ASPM: variants seen among roughly 807,000 people sequenced by gnomAD.
ASPM encodes assembly factor for spindle microtubules.
ASPM carries 256 observed loss-of-function variants against 366.4 expected under a neutral mutation model. The observed-to-expected ratio is 0.70, with a 90% confidence interval of 0.63 to 0.77. The LOEUF is 0.77. Ranked by LOEUF, ASPM falls within the 30% of genes least tolerant of loss-of-function variation. ASPM has a pLI of 0.00. For missense variants in ASPM, 4,146 were observed against 4,090.4 expected (o/e 1.01, Z -0.37); for synonymous variants, 1,414 against 1,342.9 (o/e 1.05, Z -1.16).
In ASPM at chr1:197,091,957, G is replaced by A. The variant is rs1309555928; in HGVS notation, c.9394C>T (p.Leu3132=). ...VRIQRAYKLY[L]AVKNANKQVN... is the part of the protein sequence containing the mutation. ...TGCTTGTTAGCATTCTTCACAGCCAGGTAAAGTTTATAGGCTCTTTGAATT... is the reference window on the plus strand; with the variant it reads ...TGCTTGTTAGCATTCTTCACAGCCAAGTAAAGTTTATAGGCTCTTTGAATT... Residue 3132 remains leucine (L), a synonymous_variant, in exon 22 of 28, where the codon CTG becomes TTG. Transcript: ENST00000367409. The A allele has an allele frequency of 6.8e-6, 11 of 1,611,520 alleles. No homozygotes were observed. Among genetic ancestry groups the A allele is most frequent in the Admixed American group, 1.7e-5 (1 of 59,886 alleles).
chr1:197,135,356 G>T, intron 4 of ASPM, 114 bp from the exon 5 acceptor site: 1 of 1,074,936 alleles, frequency 9.3e-7, no homozygotes, highest in Non-Finnish European at 1.4e-6. Flanking sequence ...AACAATATTT[G>T]CTTTTCTACT....
At chr1:197,096,613 T>C (rs148581237) in intron 18 of ASPM, among the ~76,000 whole-genome samples, 5 of 151,810 alleles carry the variant, frequency 3.3e-5, no homozygotes, top group Non-Finnish European at 5.9e-5. Context: ...AGGAGAATCC[T>C]GAGAGCTCCT....
At chr1:197,133,248 T>A (rs960275579) in intron 6 of ASPM, 102 bp downstream of exon 6, 2 of 1,273,696 alleles carry the variant, frequency 1.6e-6, no homozygotes, top group African/African-American at 3.0e-5. Context: ...TATATGCCAG[T>A]TTTACCTGTC....
intron 4 of ASPM, chr1:197,138,883 T>C: frequency 2.1e-6 from 2 of 943,634 alleles, no homozygotes; most frequent in South Asian, 2.6e-5. Flanking sequence ...AGCTTCCTTA[T>C]CTCCTCCTGT....
In ASPM at chr1:197,129,207, A is replaced by T. The variant is rs1302726262; in HGVS notation, c.2740T>A (p.Cys914Ser). The T allele has an allele frequency of 6.2e-7, 1 of 1,612,614 alleles. No individual in the cohort carries two copies. Among genetic ancestry groups the T allele is most frequent in the Non-Finnish European group, 8.5e-7 (1 of 1,178,858 alleles). The change falls in exon 9 of 28, where the codon TGT becomes AGT. Residue 914 changes from cysteine to serine, a missense_variant. By Grantham distance (112) the Cys-to-Ser change is moderately radical. Around this residue, in one of 3 missense-constraint regions of ASPM, gnomAD observed 3,624 missense variants for 3,591.7 expected, o/e 1.01. Coordinates refer to ENST00000367409, the MANE Select transcript of ASPM (RefSeq NM_018136.5). Reference sequence around the variant, plus strand: ...CATACCTTGAATTCGGCATCTTTACAGAAGAGACAAGGATCATGATCAATG... The same window carrying T: ...CATACCTTGAATTCGGCATCTTTACTGAAGAGACAAGGATCATGATCAATG... ...RLIDHDPCLF[C>S]KDAEFKASKE...
intron 18 of ASPM, among the ~76,000 whole-genome samples, chr1:197,099,337 T>C (rs1183218225): frequency 1.3e-5 from 2 of 151,576 alleles, no homozygotes; most frequent in East Asian, 1.9e-4. Context: ...TAAAAATCTA[T>C]CCACAATCTT....
intron 3 of ASPM, among the ~76,000 whole-genome samples, chr1:197,140,823 A>G (rs748561682): frequency 6.6e-5 from 10 of 152,178 alleles, no homozygotes; most frequent in African/African-American, 9.6e-5. Flanking sequence ...AACAGAGTCA[A>G]TGGAGACAAA....
chr1:197,128,082 G>A lies in ASPM; in HGVS notation c.2936+408C>T, dbSNP rs188345498. On this transcript the variant is annotated intron_variant, in intron 10 of 27. Transcript: ENST00000367409. The stretch of plus-strand genomic sequence containing the variant: ...CCGGAGGCTGAGGCAGGAGAATGGC[G>A]TGAACCCAGGAGGTAGGCTTGCAGT... 2.7e-3 allele frequency among the ~76,000 whole-genome samples: 405 copies of A among 151,850 alleles called. 1 individual carries two copies. The highest frequency in any genetic ancestry group is 9.4e-3 in the African/African-American group (389 of 41,408).
chr1:197,090,415 T>C, intron 23 of ASPM, 27 bp from the exon 24 acceptor site: 2 of 1,530,254 alleles, frequency 1.3e-6, no homozygotes, highest in South Asian at 1.2e-5. Flanking sequence ...AGAGTAATTT[T>C]AAGATTATAG....
chr1:197,136,070 G>T (rs1237461740), intron 4 of ASPM, among the ~76,000 whole-genome samples: 1 of 152,198 alleles, frequency 6.6e-6, no homozygotes, highest in African/African-American at 2.4e-5. Context: ...AAACTTGAAG[G>T]CCAGTAGGCA....
Position 197,104,334 on chromosome 1 carries a change from C to T in ASPM, c.4917G>A (p.Leu1639=), listed in dbSNP as rs1657328273. The stretch of plus-strand genomic sequence containing the variant: ...CTTGCATCCCTCTATATGCAGACTG[C>T]AGCACAATGACAGCAGAGCGTGTTT... ...YQKTRSAVIV[L]QSAYRGMQAR... The change falls in exon 18 of 28, where the codon CTG becomes CTA. Residue 1639 remains leucine, a synonymous_variant. Transcript: ENST00000367409. 6.2e-7 allele frequency: 1 copy of T among 1,612,928 alleles called. No individual in the cohort carries two copies. Among genetic ancestry groups the T allele is most frequent in the African/African-American group, 1.3e-5 (1 of 74,818 alleles).
In ASPM at chr1:197,125,205, A is replaced by C. The variant is rs749923341; in HGVS notation, c.2937-14T>G. 1.9e-6 allele frequency: 3 copies of C among 1,613,744 alleles called. No individual in the cohort carries two copies. The highest frequency in any genetic ancestry group is 2.5e-6 in the Non-Finnish European group (3 of 1,179,662). On this transcript the variant is annotated splice_polypyrimidine_tract_variant and intron_variant, in intron 10 of 27. Transcript: ENST00000367409. ...TCCATGGTTCGCCTGGCAGTAATAA[A>C]ATGTTCAGATGAAATTATCATAAAA... is the stretch of plus-strand genomic sequence containing the variant.
At chr1:197,121,337 T>C (rs1657900984) in intron 16 of ASPM, among the ~76,000 whole-genome samples, 1 of 152,106 alleles carries the variant, frequency 6.6e-6, no homozygotes, top group African/African-American at 2.4e-5. Context: ...AGGGAAACAA[T>C]AAATAACATC....
rs1267773907 is a variant in ASPM, at chr1:197,139,747, T to C, written c.2026+20A>G. Reference sequence around the variant, plus strand: ...TTCGATGTCATGTTTTCAGAGAGTTTAAGTATAATAAATACTTGCCTGTTT... The same window carrying C: ...TTCGATGTCATGTTTTCAGAGAGTTCAAGTATAATAAATACTTGCCTGTTT... On this transcript the variant is annotated intron_variant, in intron 4 of 27. Coordinates refer to ENST00000367409, the MANE Select transcript of ASPM (RefSeq NM_018136.5). 1.3e-6 allele frequency: 2 copies of C among 1,504,222 alleles called. No individual in the cohort carries two copies. The highest frequency in any genetic ancestry group is 2.8e-5 in the African/African-American group (2 of 72,552). 93.2% of individuals were successfully genotyped at this position (1,504,222 alleles called of 1,614,324 possible). A position where few individuals can be genotyped will look rare whatever the true frequency, so the allele number is the denominator to read the frequency against.
Position 197,133,585 on chromosome 1 carries a change from A to T in ASPM, c.2184T>A (p.Ala728=), listed in dbSNP as rs753232591. The T allele has an allele frequency of 1.9e-6, 3 of 1,613,084 alleles. No individual in the cohort carries two copies. Among genetic ancestry groups the T allele is most frequent in the Non-Finnish European group, 2.5e-6 (3 of 1,179,120 alleles). The part of the protein sequence containing the change: ...VKTNISEVNA[A]TLLLGIENQH... ...GATTCTCTATTCCCAAAAGAAGAGT[A>T]GCAGCATTTACTGGGTAAAAACAAA... The change falls in exon 6 of 28, where the codon GCT becomes GCA. Residue 728 remains alanine (A), a synonymous_variant. Coordinates refer to ENST00000367409, the MANE Select transcript of ASPM (RefSeq NM_018136.5).
chr1:197,101,068 ACT>A lies in ASPM; in HGVS notation c.8181_8182del (p.Arg2727SerfsTer23). ...TAAAAAGTTTTTTCTTTCTGTTTTT[ACT>A]CTAACATACAACCTATAATAATTCT... On this transcript the variant is annotated frameshift_variant, in exon 18 of 28. Coordinates refer to ENST00000367409, the MANE Select transcript of ASPM (RefSeq NM_018136.5). LOFTEE classifies it high-confidence loss of function. 6.2e-7 allele frequency: 1 copy of A among 1,611,302 alleles called. No homozygotes were observed. The highest frequency in any genetic ancestry group is 1.1e-5 in the South Asian group (1 of 90,976).
Position 197,143,109 on chromosome 1 carries a change from A to G in ASPM, c.1143T>C (p.Asp381=). The G allele has an allele frequency of 1.2e-6, 2 of 1,612,866 alleles. No homozygotes were observed. The highest frequency in any genetic ancestry group is 1.7e-6 in the Non-Finnish European group (2 of 1,179,070). The stretch of plus-strand genomic sequence containing the variant: ...TAGGATTAACTGACTCTGATTCTAG[A>G]TCCTGATTTAGTCCATAATTATCTT... ...FIKDNYGLNQ[D]LESESVNPIL... The change falls in exon 3 of 28, where the codon GAT becomes GAC. Residue 381 remains aspartate (D), a synonymous_variant. Coordinates refer to ENST00000367409, the MANE Select transcript of ASPM (RefSeq NM_018136.5).
At position 197,129,192 on chromosome 1, in the gene ASPM, A is replaced by G. The variant is rs1274625099; in HGVS notation, c.2755T>C (p.Phe919Leu). ...GCATACAATGAAAAGCATACCTTGA[A>G]TTCGGCATCTTTACAGAAGAGACAA... ...DPCLFCKDAE[F>L]KASKEILLAF... Residue 919 changes from phenylalanine (F) to leucine (L), a missense_variant, in exon 9 of 28, where the codon TTC (phenylalanine) becomes CTC (leucine). Phe to Leu is a conservative substitution (Grantham distance 22). Around this residue, in one of 3 missense-constraint regions of ASPM, gnomAD observed 3,624 missense variants for 3,591.7 expected, o/e 1.01. Coordinates refer to ENST00000367409, the MANE Select transcript of ASPM (RefSeq NM_018136.5). 1.2e-6 allele frequency: 2 copies of G among 1,612,368 alleles called. No individual in the cohort carries two copies. Among genetic ancestry groups the G allele is most frequent in the African/African-American group, 2.7e-5 (2 of 75,012 alleles).
At position 197,146,507 on chromosome 1, in the gene ASPM, G is replaced by A. The variant is rs1421513933; in HGVS notation, c.-70C>T. 1 of 1,558,946 alleles carries A rather than the reference G, an allele frequency of 6.4e-7. No homozygotes were observed. The highest frequency in any genetic ancestry group is 8.7e-7 in the Non-Finnish European group (1 of 1,149,272). ...GAGGCGGCTCCGGAGCGGGGATCCG[G>A]GACTTACGCTGACCGCTTCCCCTCA... is the stretch of plus-strand genomic sequence containing the variant. On this transcript the variant is annotated 5_prime_UTR_variant, in exon 1 of 28. Transcript: ENST00000367409.
Sources: allele counts gnomAD v4.1 joint callset (sites outside exome capture counted in the v4.1 genomes callset), GRCh38; gene constraint gnomAD v4.1.1; regional missense constraint gnomAD v4.1.1; transcripts MANE v1.5; gene names NCBI Gene and HGNC (gene_info 2026-07-23, HGNC 2026-07-21).